The following GSTCD variants were observed in gnomAD, a reference collection of about 807,000 sequenced individuals.
GSTCD encodes the protein glutathione S-transferase C-terminal domain containing, also known as glutathione S-transferase C-terminal domain-containing protein.
GSTCD carries 44 observed loss-of-function variants against 68.3 expected under a neutral mutation model. The observed-to-expected ratio is 0.64, with a 90% confidence interval of 0.51 to 0.83. The LOEUF (loss-of-function observed/expected upper bound fraction) is 0.83, where lower values mean the gene tolerates loss of function less well. Among genes scored for constraint, GSTCD ranks in the 40% least tolerant of loss-of-function variants. The probability of loss-of-function intolerance (pLI) is 0.00; values close to 1 mark genes in which losing one functional copy is unlikely to be tolerated. For synonymous variants in GSTCD, 273 were observed against 255.2 expected, an observed-to-expected ratio of 1.07 and a Z score of -0.67; for missense variants, 739 against 735.9, an observed-to-expected ratio of 1.00 and a Z score of -0.05.
chr4:105,713,916 T>C (rs968343803), intron 1 of GSTCD, among the ~76,000 whole-genome samples: 5 of 151,948 alleles, frequency 3.3e-5, no homozygotes, highest in Admixed American at 2.6e-4. Context: ...TTTCAAGCTT[T>C]ATTTTTTCTG....
At chr4:105,728,823 G>C (rs1208814074) in intron 4 of GSTCD, among the ~76,000 whole-genome samples, 1 of 152,056 alleles carries the variant, frequency 6.6e-6, no homozygotes, top group Non-Finnish European at 1.5e-5. Context: ...GATGGAGAAG[G>C]ATCCTGAAAA....
chr4:105,835,794 T>C (rs746353330), intron 9 of GSTCD, among the ~76,000 whole-genome samples: 15 of 152,040 alleles, frequency 9.9e-5, no homozygotes, highest in South Asian at 4.1e-4. Context: ...ACACAGACAA[T>C]TGGAGGATGA....
intron 5 of GSTCD, among the ~76,000 whole-genome samples, chr4:105,765,310 G>A (rs1734561980): frequency 6.6e-6 from 1 of 152,154 alleles, no homozygotes; most frequent in Non-Finnish European, 1.5e-5. Context: ...TAGCAATGTT[G>A]CTGTATGTGC....
Position 105,726,634 on chromosome 4 carries a change from C to G in GSTCD, c.950C>G (p.Ser317Cys). ...EKLVEFPLLASWYQRIQEVPG... is the reference protein window; with the variant it reads ...EKLVEFPLLACWYQRIQEVPG... ...CTGGTAGAATTTCCATTGCTAGCCT[C>G]TTGGTACCAGAGGATTCAGGAAGTG... Residue 317 changes from serine to cysteine, a missense_variant, in exon 4 of 12, where the codon TCT becomes TGT. Transcript: ENST00000515279. The G allele has an allele frequency of 6.2e-7, 1 of 1,612,922 alleles. No homozygotes were observed. Among genetic ancestry groups the G allele is most frequent in the Non-Finnish European group, 8.5e-7 (1 of 1,179,262 alleles).
At chr4:105,760,405 G>A (rs1242184503) in intron 5 of GSTCD, among the ~76,000 whole-genome samples, 1 of 152,138 alleles carries the variant, frequency 6.6e-6, no homozygotes, top group Non-Finnish European at 1.5e-5. Flanking sequence ...ATGCTTAAAA[G>A]CATAATTTTT....
chr4:105,762,186 AGCC>A lies in GSTCD; in HGVS notation c.1240+32689_1240+32691del, dbSNP rs1486353596. Among the ~76,000 whole-genome samples, 160 of 152,344 alleles carry A rather than the reference AGCC, an allele frequency of 1.1e-3. 1 individual carries two copies. The highest frequency in any genetic ancestry group is 3.8e-3 in the African/African-American group (156 of 41,586). On this transcript the variant is annotated intron_variant, in intron 5 of 11. Coordinates refer to ENST00000515279, the MANE Select transcript of GSTCD (RefSeq NM_001370181.1). ...ATAAATGATTCAGATTGGGGCTGTC[AGCC>A]GTATGGTGGGCACCCTAACTGAAGG... is the stretch of plus-strand genomic sequence containing the variant.
chr4:105,824,069 C>G (rs1187068081), intron 7 of GSTCD, among the ~76,000 whole-genome samples: 2 of 152,036 alleles, frequency 1.3e-5, no homozygotes, highest in East Asian at 3.9e-4. Context: ...ACAAACTCAA[C>G]TGCAACAGAG....
chr4:105,755,945 ACATGGTTCCCACCACTGGC>A (rs1006783363), intron 5 of GSTCD, among the ~76,000 whole-genome samples: 1 of 152,206 alleles, frequency 6.6e-6, no homozygotes, highest in Non-Finnish European at 1.5e-5. Flanking sequence ...TGATATGGGT[ACATGGTTCCCACCACTGGC>A]CATGGTTCCC....
intron 10 of GSTCD, among the ~76,000 whole-genome samples, chr4:105,840,746 A>G (rs1458412522): frequency 6.6e-6 from 1 of 152,168 alleles, no homozygotes; most frequent in Non-Finnish European, 1.5e-5. Context: ...TTTCTTTTTC[A>G]TTAATGCACT....
At chr4:105,728,595 G>A (rs1733118564) in intron 4 of GSTCD, among the ~76,000 whole-genome samples, 1 of 151,920 alleles carries the variant, frequency 6.6e-6, no homozygotes, top group Non-Finnish European at 1.5e-5. Flanking sequence ...CAAAGCATTC[G>A]ATGCTAGAGT....
chr4:105,844,560 T>A (rs1724479218), intron 11 of GSTCD, among the ~76,000 whole-genome samples: 1 of 152,220 alleles, frequency 6.6e-6, no homozygotes. Flanking sequence ...TTTTAGTTTA[T>A]CAGTTTCCAC....
At chr4:105,767,839 T>C (rs1036556475) in intron 5 of GSTCD, among the ~76,000 whole-genome samples, 4 of 152,144 alleles carry the variant, frequency 2.6e-5, no homozygotes, top group African/African-American at 7.2e-5. Flanking sequence ...TTCTTCTCTG[T>C]GCCCTTAGAA....
chr4:105,845,404 A>T, intron 11 of GSTCD, 37 bp from the exon 12 acceptor site: 8 of 1,612,688 alleles, frequency 5.0e-6, no homozygotes, highest in Non-Finnish European at 6.8e-6. Flanking sequence ...CCTGCTAGTG[A>T]AAGGGTGTCT....
chr4:105,820,400 T>G (rs1316621267), intron 5 of GSTCD: 1 of 151,862 alleles, frequency 6.6e-6, no homozygotes, highest in African/African-American at 2.4e-5. Flanking sequence ...ACACTAGAGA[T>G]CCATCATTTT....
rs1485191908 is a variant in GSTCD at position 105,717,635 on chromosome 4, C to T, written c.22C>T (p.Leu8Phe). 6.4e-7 allele frequency: 1 copy of T among 1,573,240 alleles called. No homozygotes were observed. The highest frequency in any genetic ancestry group is 1.2e-5 in the South Asian group (1 of 82,418). MKAIKKS[L>F]TEEEYLYLDF... ...GAAAATGAAAGCCATAAAGAAAAGT[C>T]TTACAGAAGAAGAATACCTGTACCT... Residue 8 changes from leucine to phenylalanine, a missense_variant, in exon 2 of 12, where the codon CTT (leucine) becomes TTT (phenylalanine). Physicochemically the swap from Leu to Phe is conservative, Grantham distance 22. Transcript: ENST00000515279.
intron 8 of GSTCD, among the ~76,000 whole-genome samples, chr4:105,832,795 G>A (rs958407710): frequency 1.3e-5 from 2 of 152,226 alleles, no homozygotes; most frequent in African/African-American, 4.8e-5. Context: ...CCCTCCAGGG[G>A]AAGATGTGTC....
In GSTCD at chr4:105,830,341, C is replaced by T. The variant is rs181748151; in HGVS notation, c.1531-4120C>T. On this transcript the variant is annotated intron_variant, in intron 8 of 11. Transcript: ENST00000515279. The stretch of plus-strand genomic sequence containing the variant: ...GCTCAGTGACAGTGAAACAATATCT[C>T]GAAAATTCTAACAGAAAACTTCTAA... 8.5e-5 allele frequency among the ~76,000 whole-genome samples: 13 copies of T among 152,094 alleles called. No homozygotes were observed. In the East Asian group the frequency reaches 2.5e-3, roughly 29 times the overall value.
At chr4:105,794,748 G>A (rs887458969) in intron 5 of GSTCD, among the ~76,000 whole-genome samples, 1 of 150,646 alleles carries the variant, frequency 6.6e-6, no homozygotes, top group Non-Finnish European at 1.5e-5. Context: ...GGAGTCTTTT[G>A]CATTTCCAAA....
chr4:105,845,506 G>A lies in GSTCD; in HGVS notation c.1831G>A (p.Val611Ile), dbSNP rs373035544. 228 of 1,613,772 alleles carry A rather than the reference G, an allele frequency of 1.4e-4. No individual in the cohort carries two copies. Among genetic ancestry groups the A allele is most frequent in the Non-Finnish European group, 1.7e-4 (206 of 1,179,802 alleles). The change falls in exon 12 of 12, where the codon GTT (valine) becomes ATT (isoleucine). Residue 611 changes from valine (V) to isoleucine (I), a missense_variant. Transcript: ENST00000515279. ...ARAAEECGYS[V>I]QVISMEPESC... ...AGCTGCAGAAGAATGTGGATACTCC[G>A]TTCAAGTGATATCCATGGAGCCAGA...
Sources: gnomAD v4.1 joint callset for allele counts (sites outside exome capture counted in the v4.1 genomes callset) on GRCh38, gnomAD v4.1.1 for gene constraint, MANE v1.5 for transcripts, NCBI Gene and HGNC (gene_info 2026-07-23, HGNC 2026-07-21) for gene names.